MITF: variants seen among roughly 807,000 people sequenced by gnomAD.
MITF encodes melanocyte inducing transcription factor.
Under a neutral mutation model 60.5 loss-of-function variants are expected in MITF, and 17 were observed. The observed-to-expected ratio is 0.28, with a 90% CI of 0.19 to 0.42. The LOEUF is 0.42. MITF is among the 10% of genes least tolerant of loss of function. MITF has a pLI of 1.00. For missense variants in MITF, 622 were observed against 683.5 expected, an observed-to-expected ratio of 0.91 and a Z score of 1.00; for synonymous variants, 260 against 248.5, an observed-to-expected ratio of 1.05 and a Z score of -0.43.
chr3:69,943,068 T>G (rs1351142947), intron 5 of MITF, among the ~76,000 whole-genome samples: 3 of 147,142 alleles, frequency 2.0e-5, no homozygotes, highest in Non-Finnish European at 4.5e-5. Flanking sequence ...TGCATTAGCC[T>G]CCTCTTTTTT....
At chr3:69,756,706 C>T (rs1704162657) in intron 1 of MITF, among the ~76,000 whole-genome samples, 1 of 152,120 alleles carries the variant, frequency 6.6e-6, no homozygotes, top group Admixed American at 6.5e-5. Context: ...TGAGGAATTG[C>T]CACACTGTCA....
At chr3:69,887,548 T>G (rs1224780985) in intron 2 of MITF, among the ~76,000 whole-genome samples, 1 of 152,046 alleles carries the variant, frequency 6.6e-6, no homozygotes, top group Non-Finnish European at 1.5e-5. Flanking sequence ...ATTTATAAAT[T>G]TAGATGTTTT....
intron 2 of MITF, among the ~76,000 whole-genome samples, chr3:69,933,245 G>T (rs961164993): frequency 1.3e-5 from 2 of 151,962 alleles, no homozygotes; most frequent in Admixed American, 1.3e-4. Flanking sequence ...ATCTACACTC[G>T]CTTCTACTTG....
At chr3:69,866,102 G>A in intron 1 of MITF, 1 of 1,089,900 alleles carries the variant, frequency 9.2e-7, no homozygotes, top group Non-Finnish European at 1.2e-6. Context: ...TGCAGGTACA[G>A]TAGGTACTGG....
chr3:69,831,689 A>G (rs1230707768), intron 1 of MITF, among the ~76,000 whole-genome samples: 1 of 152,216 alleles, frequency 6.6e-6, no homozygotes, highest in East Asian at 1.9e-4. Context: ...GGTAAGTAAA[A>G]TTCCCCAGAT....
chr3:69,829,728 GTCATTTGGTTCCACT>G (rs2063415284), intron 1 of MITF, among the ~76,000 whole-genome samples: 1 of 152,048 alleles, frequency 6.6e-6, no homozygotes, highest in South Asian at 2.1e-4. Context: ...GTTTCCACCT[GTCATTTGGTTCCACT>G]TGGACTACTA....
At chr3:69,820,588 T>G (rs760718453) in intron 1 of MITF, among the ~76,000 whole-genome samples, 3 of 152,230 alleles carry the variant, frequency 2.0e-5, no homozygotes, top group Non-Finnish European at 4.4e-5. Flanking sequence ...TGTTCAGTTC[T>G]TTTTGGATTC....
intron 1 of MITF, among the ~76,000 whole-genome samples, chr3:69,875,931 T>G (rs547764194): frequency 6.6e-6 from 1 of 152,274 alleles, no homozygotes; most frequent in African/African-American, 2.4e-5. Flanking sequence ...CACTTTTGGG[T>G]TTTTTTGCAG....
chr3:69,823,958 A>G (rs1418464820), intron 1 of MITF, among the ~76,000 whole-genome samples: 2 of 152,204 alleles, frequency 1.3e-5, no homozygotes, highest in East Asian at 3.9e-4. Context: ...AAATACATAT[A>G]GGCTTGAAGT....
intron 1 of MITF, among the ~76,000 whole-genome samples, chr3:69,828,771 G>T (rs2063396945): frequency 6.6e-6 from 1 of 152,154 alleles, no homozygotes; most frequent in Admixed American, 6.5e-5. Flanking sequence ...GCATAATCAT[G>T]TATGAACATA....
At chr3:69,931,856 C>T (rs1396723654) in intron 2 of MITF, among the ~76,000 whole-genome samples, 3 of 152,174 alleles carry the variant, frequency 2.0e-5, no homozygotes, top group East Asian at 1.9e-4. Context: ...TTCTCTAGTT[C>T]GCCTCTGCGG....
intron 2 of MITF, among the ~76,000 whole-genome samples, chr3:69,921,452 T>C (rs2065466113): frequency 6.6e-6 from 1 of 152,226 alleles, no homozygotes; most frequent in South Asian, 2.1e-4. Context: ...TCATTCTATA[T>C]AGTTTTAGGG....
intron 2 of MITF, among the ~76,000 whole-genome samples, chr3:69,919,737 T>C (rs1035192821): frequency 6.6e-6 from 1 of 152,122 alleles, no homozygotes; most frequent in East Asian, 1.9e-4. Flanking sequence ...CAAATGACTT[T>C]GGAAAGTTTA....
At chr3:69,909,696 C>T (rs148465411) in intron 2 of MITF, among the ~76,000 whole-genome samples, 2 of 152,122 alleles carry the variant, frequency 1.3e-5, no homozygotes, top group African/African-American at 4.8e-5. Context: ...CAGCATTTTT[C>T]CCTGCCCTAG....
chr3:69,803,948 T>A (rs1001157287), intron 1 of MITF, among the ~76,000 whole-genome samples: 2 of 152,114 alleles, frequency 1.3e-5, no homozygotes, highest in African/African-American at 4.8e-5. Context: ...GGCTGTTAAT[T>A]TTTTTTTCTT....
chr3:69,930,257 G>C (rs1413855237), intron 2 of MITF, among the ~76,000 whole-genome samples: 1 of 152,012 alleles, frequency 6.6e-6, no homozygotes, highest in African/African-American at 2.4e-5. Context: ...AGTGTAGATA[G>C]ATGAAATCAA....
At chr3:69,929,607 T>TC (rs980134792) in intron 2 of MITF, among the ~76,000 whole-genome samples, 10 of 152,274 alleles carry the variant, frequency 6.6e-5, no homozygotes, top group Admixed American at 3.9e-4. Context: ...TGTTTTTTTT[T>TC]CTCAGAAATA....
intron 1 of MITF, chr3:69,779,140 G>C (rs561114655): frequency 2.0e-4 from 31 of 152,276 alleles, no homozygotes; most frequent in African/African-American, 7.2e-4. Flanking sequence ...GAATTCTGTT[G>C]GTGACTGTTT....
At chr3:69,958,764 T>G (rs2066463209) in intron 8 of MITF, among the ~76,000 whole-genome samples, 1 of 152,098 alleles carries the variant, frequency 6.6e-6, no homozygotes, top group Admixed American at 6.6e-5. Flanking sequence ...AAGTCCTGAC[T>G]CTGCCATATA....
Sources: allele counts gnomAD v4.1 joint callset (sites outside exome capture counted in the v4.1 genomes callset), GRCh38; gene constraint gnomAD v4.1.1; transcripts MANE v1.5; gene names NCBI Gene and HGNC (gene_info 2026-07-23, HGNC 2026-07-21).